The following MPP7 variants were observed in gnomAD, a reference collection of about 807,000 sequenced individuals.
MPP7 encodes the protein MAGUK p55 subfamily member 7.
A neutral mutation model predicts 76.5 loss-of-function variants in MPP7; 60 were observed. The ratio of observed to expected loss-of-function variants is 0.78; its 90% CI spans 0.64 to 0.97. MPP7 has a LOEUF of 0.97. Among genes scored for constraint, MPP7 ranks in the 50% least tolerant of loss-of-function variants. The pLI is 0.00. For missense variants in MPP7, 641 were observed against 694.0 expected, an observed-to-expected ratio of 0.92 and a Z score of 0.86; for synonymous variants, 237 against 244.5, an observed-to-expected ratio of 0.97 and a Z score of 0.29.
Position 28,074,285 on chromosome 10 carries a change from T to C in MPP7, c.1124-4433A>G, listed in dbSNP as rs76623657. Among the ~76,000 whole-genome samples the C allele has an allele frequency of 8.3e-3, 1,182 of 142,838 alleles. 49 individuals are homozygous for C. The East Asian group carries it at 0.12, about 14-fold the overall frequency. The allele number at this position is 142,838 out of a possible 152,430, so 93.7% of individuals were successfully genotyped here. ...GCATCTAGATCCACCTAGAGCAACCTTTTTTTTTTTTAACTTGCTTATTTT... is the reference window on the plus strand; with the variant it reads ...GCATCTAGATCCACCTAGAGCAACCCTTTTTTTTTTTAACTTGCTTATTTT... On this transcript the variant is annotated intron_variant, in intron 12 of 16. Transcript: ENST00000683449.
intron 1 of MPP7, among the ~76,000 whole-genome samples, chr10:28,291,745 C>T (rs1840926188): frequency 6.6e-6 from 1 of 152,120 alleles, no homozygotes; most frequent in African/African-American, 2.4e-5. Context: ...TATTTGTACA[C>T]TATAAAATGT....
At chr10:28,223,924 G>A (rs527800984) in intron 2 of MPP7, among the ~76,000 whole-genome samples, 9 of 151,126 alleles carry the variant, frequency 6.0e-5, no homozygotes, top group East Asian at 5.8e-4. Context: ...GGCCAGGTGC[G>A]GTGGCTCACA....
chr10:28,264,498 C>T (rs1000732475), intron 1 of MPP7, among the ~76,000 whole-genome samples: 18 of 151,854 alleles, frequency 1.2e-4, no homozygotes, highest in African/African-American at 2.9e-4. Context: ...TAAATTAGAC[C>T]GTCCTGGTGT....
intron 5 of MPP7, among the ~76,000 whole-genome samples, chr10:28,133,244 T>C (rs1835251665): frequency 6.6e-6 from 1 of 152,322 alleles, no homozygotes; most frequent in South Asian, 2.1e-4. Flanking sequence ...GAGTGATTAT[T>C]TTAAAAACTT....
chr10:28,192,939 A>G (rs1837457286), intron 3 of MPP7, among the ~76,000 whole-genome samples: 1 of 152,214 alleles, frequency 6.6e-6, no homozygotes, highest in African/African-American at 2.4e-5. Context: ...ATGGAACACA[A>G]TTACCCAAAA....
At chr10:28,178,718 G>A (rs1353309275) in intron 3 of MPP7, among the ~76,000 whole-genome samples, 1 of 152,044 alleles carries the variant, frequency 6.6e-6, no homozygotes, top group East Asian at 1.9e-4. Flanking sequence ...GAGAAACAAG[G>A]TACTTAGAAC....
At chr10:28,335,006 G>A (rs183542911), upstream of MPP7, among the ~76,000 whole-genome samples, 1 of 152,290 alleles carries the variant, frequency 6.6e-6, no homozygotes, top group East Asian at 1.9e-4. Flanking sequence ...CTCACGAGGC[G>A]GCAATCAAGA....
intron 2 of MPP7, among the ~76,000 whole-genome samples, chr10:28,328,060 T>C (rs958700352): frequency 6.6e-6 from 1 of 152,208 alleles, no homozygotes; most frequent in East Asian, 1.9e-4. Flanking sequence ...CTGAGAACCA[T>C]GAATCCTTTT....
intron 5 of MPP7, among the ~76,000 whole-genome samples, chr10:28,144,993 T>C (rs931335807): frequency 2.0e-5 from 3 of 152,252 alleles, no homozygotes; most frequent in East Asian, 1.9e-4. Context: ...TCAGAAAGAA[T>C]TGGCACACCT....
chr10:28,058,001 T>C (rs559655292), intron 15 of MPP7, among the ~76,000 whole-genome samples: 41 of 152,280 alleles, frequency 2.7e-4, no homozygotes, highest in African/African-American at 9.9e-4. Context: ...GCAGTTGCAA[T>C]GGGGCTTTCA....
Position 28,315,877 on chromosome 10 carries a change from A to C in MPP7, c.-132+14052T>G, listed in dbSNP as rs918863507. 3.3e-5 allele frequency among the ~76,000 whole-genome samples: 5 copies of C among 152,298 alleles called. No individual in the cohort carries two copies. The South Asian group carries it at 1.0e-3, about 32-fold the overall frequency. ...ATCAAGGTCAACATCAACAGTGATG[A>C]GAAGTCATGTTGCCTGTGTGCATGG... On this transcript the variant is annotated intron_variant, in intron 2 of 11. Coordinates refer to the MPP7 transcript ENST00000441595.
intron 3 of MPP7, among the ~76,000 whole-genome samples, chr10:28,187,446 G>A (rs1002425037): frequency 6.6e-6 from 1 of 152,210 alleles, no homozygotes; most frequent in African/African-American, 2.4e-5. Context: ...TGGCCAAGGA[G>A]CGTTACCAGC....
At chr10:28,167,622 T>C (rs2133852953) in intron 3 of MPP7, among the ~76,000 whole-genome samples, 1 of 152,226 alleles carries the variant, frequency 6.6e-6, no homozygotes, top group South Asian at 2.1e-4. Context: ...ATCTAAAATT[T>C]AAAAAATAAA....
At chr10:28,180,978 G>T (rs1837040137) in intron 3 of MPP7, among the ~76,000 whole-genome samples, 1 of 152,148 alleles carries the variant, frequency 6.6e-6, no homozygotes, top group Non-Finnish European at 1.5e-5. Context: ...CAGGATATAC[G>T]GATGGATGGA....
chr10:28,063,752 G>C (rs1851886725), intron 13 of MPP7, among the ~76,000 whole-genome samples: 1 of 152,122 alleles, frequency 6.6e-6, no homozygotes, highest in Non-Finnish European at 1.5e-5. Context: ...GTTTCATCCT[G>C]ACACCATCCC....
rs577228568 is a variant in MPP7 at position 28,226,302 on chromosome 10, A to C, written c.37+12266T>G. Among the ~76,000 whole-genome samples the C allele has an allele frequency of 4.0e-5, 6 of 151,808 alleles. No individual in the cohort carries two copies. The South Asian group carries it at 1.2e-3, about 32-fold the overall frequency. On this transcript the variant is annotated intron_variant, in intron 2 of 16. Transcript: ENST00000683449. ...CACTCTGTCACCCAGGCTGGAGTGCAGTGGTATAATCTCGGCTCACTGCAA... is the reference window on the plus strand; with the variant it reads ...CACTCTGTCACCCAGGCTGGAGTGCCGTGGTATAATCTCGGCTCACTGCAA...
At chr10:28,277,790 G>A in intron 1 of MPP7, among the ~76,000 whole-genome samples, 1 of 152,052 alleles carries the variant, frequency 6.6e-6, no homozygotes, top group Non-Finnish European at 1.5e-5. Flanking sequence ...TATCGCACAA[G>A]AGAATGTCAA....
At position 28,300,797 on chromosome 10, in the gene MPP7, TA is replaced by T. The variant is rs368455784; in HGVS notation, c.-132+2063del. The stretch of plus-strand genomic sequence containing the variant: ...TGAAACCCCATCTCTACAAAAATAT[TA>T]AAAAAAAAAAAATAGCTGGGCGTGG... On this transcript the variant is annotated intron_variant, in intron 1 of 16. Coordinates refer to ENST00000683449, the MANE Select transcript of MPP7 (RefSeq NM_001318170.2). Among the ~76,000 whole-genome samples, 979 of 142,044 alleles carry T rather than the reference TA, an allele frequency of 6.9e-3. 12 individuals carry two copies. Among genetic ancestry groups the T allele is most frequent in the African/African-American group, 0.02 (791 of 38,822 alleles). 93.2% of individuals were successfully genotyped at this position (142,044 alleles called of 152,430 possible).
At chr10:28,169,589 G>A (rs1033179565) in intron 3 of MPP7, among the ~76,000 whole-genome samples, 1 of 152,160 alleles carries the variant, frequency 6.6e-6, no homozygotes, top group African/African-American at 2.4e-5. Context: ...TTGTGAACAA[G>A]TATCACTCTC....
Sources: allele counts gnomAD v4.1 joint callset (sites outside exome capture counted in the v4.1 genomes callset), GRCh38; gene constraint gnomAD v4.1.1; transcripts MANE v1.5; gene names NCBI Gene and HGNC (gene_info 2026-07-23, HGNC 2026-07-21).